Variants in ACAP2 observed in about 807,000 individuals in gnomAD.
ACAP2 encodes the protein ArfGAP with coiled-coil, ankyrin repeat and PH domains 2, also known as arf-GAP with coiled-coil, ANK repeat and PH domain-containing protein 2.
Under a neutral mutation model 115.8 loss-of-function variants are expected in ACAP2, and 39 were observed. The ratio of observed to expected loss-of-function variants is 0.34; its 90% CI spans 0.26 to 0.44. The LOEUF (loss-of-function observed/expected upper bound fraction) is 0.44, where lower values mean the gene tolerates loss of function less well. Among genes scored for constraint, ACAP2 ranks in the 20% least tolerant of loss-of-function variants. ACAP2 has a pLI of 1.00. For missense variants in ACAP2, 662 were observed against 927.6 expected, an observed-to-expected ratio of 0.71 and a Z score of 3.72; for synonymous variants, 289 against 315.8, an observed-to-expected ratio of 0.92 and a Z score of 0.90.
chr3:195,351,129 T>TTTTTGG (rs75945777), intron 4 of ACAP2, among the ~76,000 whole-genome samples: 6 of 131,864 alleles, frequency 4.6e-5, no homozygotes, highest in African/African-American at 1.5e-4. Context: ...TTTTTTTTTT[T>TTTTTGG]GGGCGGGGGA....
intron 1 of ACAP2, among the ~76,000 whole-genome samples, chr3:195,407,682 G>C (rs1712905510): frequency 6.6e-6 from 1 of 152,156 alleles, no homozygotes; most frequent in African/African-American, 2.4e-5. Flanking sequence ...GGGCAACAGA[G>C]TAAGACTCCG....
At chr3:195,403,063 C>T (rs902701110) in intron 1 of ACAP2, among the ~76,000 whole-genome samples, 9 of 152,094 alleles carry the variant, frequency 5.9e-5, no homozygotes, top group African/African-American at 1.9e-4. Context: ...GAGAGAGGGA[C>T]GGCTACAGTT....
intron 4 of ACAP2, among the ~76,000 whole-genome samples, chr3:195,378,080 GAGGA>G (rs1733679719): frequency 6.6e-6 from 1 of 151,236 alleles, no homozygotes; most frequent in Non-Finnish European, 1.5e-5. Flanking sequence ...GGGAGGAAGG[GAGGA>G]AGGGAGGAGG....
chr3:195,367,052 CAAAAAAAAA>C (rs35590029), intron 4 of ACAP2, among the ~76,000 whole-genome samples: 1 of 76,240 alleles, frequency 1.3e-5, no homozygotes, highest in South Asian at 4.0e-4. Context: ...CCAACCCCGC[CAAAAAAAAA>C]AAAAAAAAAA....
At chr3:195,295,269 C>T (rs1727565862) in intron 17 of ACAP2, 1 of 1,291,652 alleles carries the variant, frequency 7.7e-7, no homozygotes, top group Non-Finnish European at 1.0e-6. Context: ...ACAGAGACTC[C>T]CGCCTGGCCT....
intron 10 of ACAP2, among the ~76,000 whole-genome samples, chr3:195,318,404 C>A (rs1729229229): frequency 6.6e-6 from 1 of 152,192 alleles, no homozygotes; most frequent in Non-Finnish European, 1.5e-5. Context: ...AAGTTTGGAA[C>A]TTCCAAGAGA....
At chr3:195,318,504 T>C (rs992858107) in intron 10 of ACAP2, among the ~76,000 whole-genome samples, 6 of 152,218 alleles carry the variant, frequency 3.9e-5, no homozygotes, top group African/African-American at 1.2e-4. Context: ...GAAGAACTTA[T>C]TGGGAACTGG....
intron 4 of ACAP2, among the ~76,000 whole-genome samples, chr3:195,347,646 T>C (rs907285629): frequency 6.6e-6 from 1 of 152,226 alleles, no homozygotes; most frequent in Non-Finnish European, 1.5e-5. Flanking sequence ...GTGGATGGGC[T>C]TGCCAAAATT....
chr3:195,406,247 A>G (rs554356992), intron 1 of ACAP2, among the ~76,000 whole-genome samples: 33 of 152,316 alleles, frequency 2.2e-4, no homozygotes, highest in African/African-American at 7.5e-4. Context: ...TTTTCTATCA[A>G]TAAGTCCTCA....
intron 20 of ACAP2, among the ~76,000 whole-genome samples, chr3:195,291,042 T>C (rs1463869037): frequency 2.0e-5 from 3 of 152,014 alleles, no homozygotes; most frequent in African/African-American, 4.8e-5. Flanking sequence ...ATTTTAAAAA[T>C]ATTTCAAAAT....
At chr3:195,430,718 T>C (rs1715052593) in intron 1 of ACAP2, among the ~76,000 whole-genome samples, 2 of 150,244 alleles carry the variant, frequency 1.3e-5, no homozygotes, top group Admixed American at 6.6e-5. Flanking sequence ...CTGTCTCAAC[T>C]GAAAAAAAAA....
chr3:195,287,574 T>C (rs1726926958), intron 21 of ACAP2, among the ~76,000 whole-genome samples: 1 of 152,080 alleles, frequency 6.6e-6, no homozygotes, highest in African/African-American at 2.4e-5. Flanking sequence ...CACCTCAATC[T>C]CCTGAGTAGC....
Position 195,289,225 on chromosome 3 carries a change from T to C in ACAP2, c.2070A>G (p.Val690=), listed in dbSNP as rs769089048. The change falls in exon 21 of 23, where the codon GTA becomes GTG. Residue 690 remains valine (V), a synonymous_variant. Coordinates refer to ENST00000326793, the MANE Select transcript of ACAP2 (RefSeq NM_012287.6). ...TGGCACCTCGTTTTAGGAATAAACA[T>C]ACCTGCCTGTTTAAGAACACAGCAT... The part of the protein sequence containing the change: ...HATVLGHTGQ[V]CLFLKRGANQ... 6.5e-5 allele frequency: 105 copies of C among 1,608,388 alleles called. 1 individual carries two copies. Among genetic ancestry groups the C allele is most frequent in the South Asian group, 1.7e-4 (15 of 89,828 alleles).
intron 8 of ACAP2, among the ~76,000 whole-genome samples, chr3:195,327,320 C>G (rs1729860512): frequency 6.6e-6 from 1 of 152,108 alleles, no homozygotes; most frequent in Non-Finnish European, 1.5e-5. Flanking sequence ...TAGTTAAAAT[C>G]AAAGACACGA....
chr3:195,337,505 A>T (rs184873696), intron 6 of ACAP2, among the ~76,000 whole-genome samples: 301 of 150,398 alleles, frequency 2.0e-3, no homozygotes, highest in African/African-American at 6.9e-3. Context: ...CTGCAGTGCA[A>T]TGGCACAATC....
chr3:195,369,120 T>C (rs565185418), intron 4 of ACAP2, among the ~76,000 whole-genome samples: 12 of 151,964 alleles, frequency 7.9e-5, no homozygotes, highest in Admixed American at 7.2e-4. Flanking sequence ...AGGAAGAAAT[T>C]AAGTGTACAT....
chr3:195,346,475 C>T (rs1046490974), intron 4 of ACAP2, among the ~76,000 whole-genome samples: 1 of 152,104 alleles, frequency 6.6e-6, no homozygotes, highest in Non-Finnish European at 1.5e-5. Flanking sequence ...AGCTAAGAAA[C>T]AACTGTAGGC....
chr3:195,324,059 T>A (rs1031161628), intron 9 of ACAP2, among the ~76,000 whole-genome samples: 2 of 151,942 alleles, frequency 1.3e-5, no homozygotes, highest in African/African-American at 2.4e-5. Context: ...TAACAAAAAT[T>A]AAAAATGAAA....
chr3:195,286,753 T>C (rs1038021696), intron 21 of ACAP2, among the ~76,000 whole-genome samples: 8 of 152,230 alleles, frequency 5.3e-5, no homozygotes, highest in Non-Finnish European at 1.2e-4. Flanking sequence ...CAAAAATTCT[T>C]AAGTGAAACT....
Sources: allele counts gnomAD v4.1 joint callset (sites outside exome capture counted in the v4.1 genomes callset), GRCh38; gene constraint gnomAD v4.1.1; transcripts MANE v1.5; gene names NCBI Gene and HGNC (gene_info 2026-07-23, HGNC 2026-07-21).